CTNNA2: variants seen among roughly 807,000 people sequenced by gnomAD.
CTNNA2 encodes the protein catenin alpha-2.
Under a neutral mutation model 101.0 loss-of-function variants are expected in CTNNA2, and 42 were observed. The observed-to-expected ratio is 0.42, with a 90% confidence interval of 0.32 to 0.54. The LOEUF is 0.54. Ranked by LOEUF, CTNNA2 falls within the 20% of genes least tolerant of loss-of-function variation. The probability of loss-of-function intolerance (pLI) is 0.14; values close to 1 mark genes in which losing one functional copy is unlikely to be tolerated. For missense variants in CTNNA2, 871 were observed against 1,223.1 expected (o/e 0.71, Z 4.29); for synonymous variants, 450 against 456.4 (o/e 0.99, Z 0.18).
intron 7 of CTNNA2, among the ~76,000 whole-genome samples, chr2:80,371,279 C>T (rs73938288): frequency 0.031 from 4,653 of 152,232 alleles, 164 homozygotes; most frequent in African/African-American, 0.08. Context: ...ATGATAGGCA[C>T]TCAGATGAAT....
chr2:80,302,492 A>G lies in CTNNA2; in HGVS notation c.1057-90719A>G. On this transcript the variant is annotated intron_variant, in intron 7 of 18. Coordinates refer to ENST00000402739, the MANE Select transcript of CTNNA2 (RefSeq NM_001282597.3). The surrounding 1 kb of genome is among the most constrained non-coding windows in gnomAD (Gnocchi z 6.4). ...CTTCCAGGACACGTAGAGCACCAGG[A>G]CCACGATGAGGAAGGAGAAGATGAG... is the stretch of plus-strand genomic sequence containing the variant. 13 of 1,613,846 alleles carry G rather than the reference A, an allele frequency of 8.1e-6. No individual in the cohort carries two copies. Among genetic ancestry groups the G allele is most frequent in the Non-Finnish European group, 1.0e-5 (12 of 1,180,024 alleles).
chr2:79,244,825 T>G (rs1474268913), intron 2 of CTNNA2, among the ~76,000 whole-genome samples: 1 of 152,212 alleles, frequency 6.6e-6, no homozygotes, highest in African/African-American at 2.4e-5. Flanking sequence ...CAGTGCACAG[T>G]GGCTCACACC....
intron 7 of CTNNA2, among the ~76,000 whole-genome samples, chr2:80,018,201 C>T (rs1175875925): frequency 6.6e-6 from 1 of 152,146 alleles, no homozygotes. Flanking sequence ...ACTACTTAAA[C>T]TCTTTGAACT....
At chr2:79,862,778 A>G (rs966956861) in intron 4 of CTNNA2, among the ~76,000 whole-genome samples, 3 of 152,336 alleles carry the variant, frequency 2.0e-5, no homozygotes, top group Admixed American at 6.5e-5. Context: ...ATAGAGTGCA[A>G]TGCATGTTAG....
chr2:79,499,264 G>T (rs953964991), intron 4 of CTNNA2: 3 of 152,018 alleles, frequency 2.0e-5, no homozygotes, highest in Non-Finnish European at 4.4e-5. Context: ...AGAAAACCAG[G>T]TCAGAGTATC....
intron 2 of CTNNA2, among the ~76,000 whole-genome samples, chr2:79,270,492 G>T (rs764749894): frequency 6.6e-6 from 1 of 152,002 alleles, no homozygotes; most frequent in Non-Finnish European, 1.5e-5. Flanking sequence ...ACCTGCTTCA[G>T]GCCACACACT....
At chr2:80,292,215 G>A (rs543572717) in intron 7 of CTNNA2, among the ~76,000 whole-genome samples, 2 of 152,226 alleles carry the variant, frequency 1.3e-5, no homozygotes, top group South Asian at 2.1e-4. Context: ...ACCATTCTAA[G>A]CACTTTATAA....
intron 3 of CTNNA2, among the ~76,000 whole-genome samples, chr2:79,785,456 C>G (rs530121924): frequency 6.6e-6 from 1 of 152,176 alleles, no homozygotes; most frequent in East Asian, 1.9e-4. Context: ...CTTCTGATCT[C>G]TGCTGTAGTT....
chr2:80,536,450 C>G (rs557058116), intron 9 of CTNNA2, among the ~76,000 whole-genome samples: 1 of 152,172 alleles, frequency 6.6e-6, no homozygotes, highest in South Asian at 2.1e-4. Context: ...TGCTATTCTG[C>G]TTTATTTCAA....
chr2:80,044,012 G>A (rs764433945), intron 7 of CTNNA2, among the ~76,000 whole-genome samples: 1 of 152,160 alleles, frequency 6.6e-6, no homozygotes, highest in Non-Finnish European at 1.5e-5. Flanking sequence ...AATTGTTAGA[G>A]CTATTCCCTT....
chr2:80,323,710 A>G (rs1052539319), intron 7 of CTNNA2, among the ~76,000 whole-genome samples: 14 of 150,658 alleles, frequency 9.3e-5, no homozygotes, highest in East Asian at 3.9e-4. Context: ...TAGTGAATCC[A>G]TATGTATTTT....
At chr2:79,292,529 G>T (rs1200865107) in intron 2 of CTNNA2, among the ~76,000 whole-genome samples, 1 of 152,118 alleles carries the variant, frequency 6.6e-6, no homozygotes, top group African/African-American at 2.4e-5. Flanking sequence ...AAAAGATGAA[G>T]CTTTCTTTTA....
intron 4 of CTNNA2, among the ~76,000 whole-genome samples, chr2:79,425,712 A>G (rs1678585308): frequency 6.6e-6 from 1 of 152,160 alleles, no homozygotes; most frequent in African/African-American, 2.4e-5. Flanking sequence ...CACAGCAATC[A>G]AGAATGCATA....
intron 7 of CTNNA2, among the ~76,000 whole-genome samples, chr2:80,190,899 A>G (rs1221320625): frequency 2.0e-5 from 3 of 152,086 alleles, no homozygotes; most frequent in Non-Finnish European, 2.9e-5. Context: ...GTTGCTGTTG[A>G]TTATTCTTTA....
In CTNNA2 at chr2:79,350,495, A is replaced by G. The variant is rs541734610; in HGVS notation, c.-317-23336A>G. ...CTTTTTTATGGTTGCATAGTATTCT[A>G]TGATATATATATGCCACATTTTTTT... On this transcript the variant is annotated intron_variant, in intron 3 of 21. Transcript: ENST00000466387. 2.6e-5 allele frequency among the ~76,000 whole-genome samples: 4 copies of G among 152,200 alleles called. No individual in the cohort carries two copies. In the East Asian group the frequency reaches 5.8e-4, roughly 22 times the overall value.
At chr2:79,942,528 A>T (rs571252450) in intron 7 of CTNNA2, among the ~76,000 whole-genome samples, 1 of 152,320 alleles carries the variant, frequency 6.6e-6, no homozygotes, top group South Asian at 2.1e-4. Context: ...CGAGCCCTGA[A>T]TCCTAAAAGT....
rs1222187252 is a variant in CTNNA2, at chr2:79,546,016, C to T, written c.-6+32809C>T. On this transcript the variant is annotated intron_variant, in intron 1 of 18. Transcript: ENST00000402739. The stretch of plus-strand genomic sequence containing the variant: ...AGGCACAGAGAAGCTAAGTACCATA[C>T]CCAAGATTGCCCAGCTAGTTGGGGA... Among the ~76,000 whole-genome samples the T allele has an allele frequency of 5.3e-5, 8 of 152,228 alleles. No homozygotes were observed. In the South Asian group the frequency reaches 8.3e-4, roughly 16 times the overall value.
chr2:80,246,834 A>G (rs78613399), intron 7 of CTNNA2, among the ~76,000 whole-genome samples: 12 of 152,346 alleles, frequency 7.9e-5, no homozygotes, highest in African/African-American at 2.6e-4. Flanking sequence ...GGCCACTTAC[A>G]TTAACTGGTT....
chr2:80,439,745 T>G (rs2149439709), intron 9 of CTNNA2, among the ~76,000 whole-genome samples: 1 of 152,304 alleles, frequency 6.6e-6, no homozygotes, highest in African/African-American at 2.4e-5. Context: ...TATGGTTTTA[T>G]ATTATTTGAA....
Sources: allele counts gnomAD v4.1 joint callset (sites outside exome capture counted in the v4.1 genomes callset), GRCh38; gene constraint gnomAD v4.1.1; non-coding constraint Gnocchi (gnomAD v3.1); transcripts MANE v1.5; gene names NCBI Gene and HGNC (gene_info 2026-07-23, HGNC 2026-07-21).